IDH3A: variants seen among roughly 807,000 people sequenced by gnomAD.
IDH3A encodes isocitrate dehydrogenase [NAD] subunit alpha, mitochondrial.
A neutral mutation model predicts 43.3 loss-of-function variants in IDH3A; 23 were observed. The ratio of observed to expected loss-of-function variants is 0.53; its 90% CI spans 0.38 to 0.75. The LOEUF is 0.75. IDH3A is among the 30% of genes least tolerant of loss of function. The pLI, the probability that IDH3A is intolerant of heterozygous loss-of-function variation, is 0.00. For synonymous variants in IDH3A, 154 were observed against 163.5 expected, an observed-to-expected ratio of 0.94 and a Z score of 0.44; for missense variants, 329 against 474.4, an observed-to-expected ratio of 0.69 and a Z score of 2.85.
In IDH3A at chr15:78,161,614, C is replaced by T; in HGVS notation, c.323C>T (p.Pro108Leu). The T allele has an allele frequency of 1.9e-6, 3 of 1,614,052 alleles. No homozygotes were observed. Among genetic ancestry groups the T allele is most frequent in the South Asian group, 2.2e-5 (2 of 91,080 alleles). ...AAGACCCCAATAGCAGCCGGTCACCCATCTATGAATTTACTGCTGCGCAAA... is the reference window on the plus strand; with the variant it reads ...AAGACCCCAATAGCAGCCGGTCACCTATCTATGAATTTACTGCTGCGCAAA... ...PLKTPIAAGHPSMNLLLRKTF... is the reference protein window; with the variant it reads ...PLKTPIAAGHLSMNLLLRKTF... Residue 108 changes from proline to leucine, a missense_variant, in exon 5 of 11, where the codon CCA becomes CTA. Pro to Leu is a moderately conservative substitution (Grantham distance 98). Around this residue, in one of 3 missense-constraint regions of IDH3A, gnomAD observed 212 missense variants for 345.5 expected, o/e 0.61. Coordinates refer to ENST00000299518, the MANE Select transcript of IDH3A (RefSeq NM_005530.3). The surrounding 1 kb of genome is among the most constrained non-coding windows in gnomAD (Gnocchi z 4.8).
chr15:78,155,304 C>T (rs1230548384), intron 2 of IDH3A, 29 bp downstream of exon 2: 1 of 1,495,382 alleles, frequency 6.7e-7, no homozygotes, highest in Non-Finnish European at 9.3e-7. Flanking sequence ...TTTATTTTTT[C>T]CTTTTAGAAG....
Position 78,155,226 on chromosome 15 carries a change from T to C in IDH3A, c.41T>C (p.Leu14Pro). 6.2e-7 allele frequency: 1 copy of C among 1,612,248 alleles called. No homozygotes were observed. Residue 14 changes from leucine to proline, a missense_variant, in exon 2 of 11, where the codon CTG becomes CCG. This residue lies in a region of IDH3A where 26 missense variants were observed against 17.2 expected (regional missense o/e 1.51). Transcript: ENST00000299518. ...PAWISKVSRL[L>P]GAFHNPKQVT... ...ATATTAATATAGGTCTCTCGGCTGC[T>C]GGGGGCATTCCACAACCCAAAACAG...
Position 78,171,199 on chromosome 15 carries a change from T to C in IDH3A, c.*2194T>C, listed in dbSNP as rs2074817102. On this transcript the variant is annotated 3_prime_UTR_variant, in exon 11 of 11. Coordinates refer to ENST00000299518, the MANE Select transcript of IDH3A (RefSeq NM_005530.3). ...CGTTCTGGAAGGAGAGCTGATCTCA[T>C]TTGTCACCTGAACAAAAAGCAATAC... 1 of 360,286 alleles carries C rather than the reference T, an allele frequency of 2.8e-6. No homozygotes were observed. The highest frequency in any genetic ancestry group is 5.1e-6 in the Non-Finnish European group (1 of 194,574). 22.3% of individuals were successfully genotyped at this position (360,286 alleles called of 1,614,324 possible).
chr15:78,153,542 C>T (rs1322579856), intron 1 of IDH3A, among the ~76,000 whole-genome samples: 1 of 152,112 alleles, frequency 6.6e-6, no homozygotes, highest in Non-Finnish European at 1.5e-5. Context: ...ATTTTCAATG[C>T]AGAGTCATGA....
chr15:78,152,479 G>T (rs571311208), intron 1 of IDH3A, among the ~76,000 whole-genome samples: 1 of 149,446 alleles, frequency 6.7e-6, no homozygotes, highest in East Asian at 2.0e-4. Flanking sequence ...TCCTCCCTCA[G>T]CCTCCTGAAT....
At chr15:78,153,608 G>A (rs2074597944) in intron 1 of IDH3A, among the ~76,000 whole-genome samples, 1 of 152,142 alleles carries the variant, frequency 6.6e-6, no homozygotes, top group South Asian at 2.1e-4. Flanking sequence ...CTTGGCTGTT[G>A]GTTGTTACCA....
At position 78,158,448 on chromosome 15, in the gene IDH3A, C is replaced by CACATATATATATATATATATAT. The variant is rs763962799; in HGVS notation, c.174+818_174+819insCATATATATATATATATATATA. 1.6e-3 allele frequency among the ~76,000 whole-genome samples: 46 copies of CACATATATATATATATATATAT among 28,234 alleles called. 2 individuals carry two copies. The highest frequency in any genetic ancestry group is 5.4e-3 in the East Asian group (6 of 1,110). 18.5% of individuals were successfully genotyped at this position (28,234 alleles called of 152,430 possible). A position where few individuals can be genotyped will look rare whatever the true frequency, so the allele number is the denominator to read the frequency against. Reference sequence around the variant, plus strand: ...TCATAGGTTATGCAATACATACATACATATATATATATATATTTTTTTTTT... The same window carrying CACATATATATATATATATATAT: ...TCATAGGTTATGCAATACATACATACACATATATATATATATATATATATATATATATATATATTTTTTTTTT... On this transcript the variant is annotated intron_variant, in intron 3 of 10. Transcript: ENST00000299518.
chr15:78,163,285 T>A lies in IDH3A; in HGVS notation c.612-222T>A, dbSNP rs550201055. Reference sequence around the variant, plus strand: ...AAAAATATAGTCTTCTCTGTTATGATCAAACTATTTTACATTTTTACTCTT... The same window carrying A: ...AAAAATATAGTCTTCTCTGTTATGAACAAACTATTTTACATTTTTACTCTT... On this transcript the variant is annotated intron_variant, in intron 6 of 10. Coordinates refer to ENST00000299518, the MANE Select transcript of IDH3A (RefSeq NM_005530.3). Among the ~76,000 whole-genome samples the A allele has an allele frequency of 7.2e-5, 11 of 152,334 alleles. No individual in the cohort carries two copies. In the East Asian group the frequency reaches 1.5e-3, roughly 21 times the overall value.
rs1259321063 is a variant in IDH3A, at chr15:78,157,604, A to G, written c.147A>G (p.Ala49=). ...GTATTGGCCCAGAAATTTCAGCTGC[A>G]GTTATGAAGATTTTTGATGCTGCCA... ...GDGIGPEISA[A]VMKIFDAAKA... The change falls in exon 3 of 11, where the codon GCA becomes GCG. Residue 49 remains alanine, a synonymous_variant. Coordinates refer to ENST00000299518, the MANE Select transcript of IDH3A (RefSeq NM_005530.3). 1.2e-6 allele frequency: 2 copies of G among 1,612,936 alleles called. No homozygotes were observed. The highest frequency in any genetic ancestry group is 3.3e-5 in the Admixed American group (2 of 59,834).
chr15:78,160,787 T>C (rs887046473), intron 4 of IDH3A, among the ~76,000 whole-genome samples: 1 of 151,420 alleles, frequency 6.6e-6, no homozygotes, highest in African/African-American at 2.4e-5. Context: ...ACTTAGCCAC[T>C]GTGCCTGGCC....
At position 78,169,608 on chromosome 15, in the gene IDH3A, A is replaced by T. The variant is rs551972986; in HGVS notation, c.*603A>T. On this transcript the variant is annotated 3_prime_UTR_variant, in exon 11 of 11. Coordinates refer to ENST00000299518, the MANE Select transcript of IDH3A (RefSeq NM_005530.3). ...TGAATAAAAACTTCAGATCCAAGAA[A>T]TATATAATGAGAGATATAATTTTTG... The T allele has an allele frequency of 2.0e-5, 3 of 152,380 alleles. 1 individual carries two copies. In the South Asian group the frequency reaches 6.2e-4, roughly 32 times the overall value. 9.4% of individuals were successfully genotyped at this position (152,380 alleles called of 1,614,324 possible).
At chr15:78,168,426 T>G (rs2074776443) in intron 10 of IDH3A, 1 of 151,662 alleles carries the variant, frequency 6.6e-6, no homozygotes, top group South Asian at 2.1e-4. Context: ...GAGGCAGAGG[T>G]TGTGGTGAGC....
chr15:78,160,313 G>T (rs570217027), intron 4 of IDH3A, 107 bp downstream of exon 4: 4 of 633,246 alleles, frequency 6.3e-6, no homozygotes, highest in Non-Finnish European at 1.1e-5. Flanking sequence ...CATCTGTGAA[G>T]GTAACGCCAT....
intron 1 of IDH3A, among the ~76,000 whole-genome samples, chr15:78,152,470 C>T (rs2074586380): frequency 6.6e-6 from 1 of 150,820 alleles, no homozygotes; most frequent in Non-Finnish European, 1.5e-5. Flanking sequence ...AAGTGATTCT[C>T]CTCCCTCAGC....
rs2074796847 is a variant in IDH3A, at chr15:78,169,811, CT to C, written c.*807del. The stretch of plus-strand genomic sequence containing the variant: ...ATGAGTTGTCACAGCCTCTGAGCCC[CT>C]GATCTGAAGCCAGAAGGGCTGAGTG... On this transcript the variant is annotated 3_prime_UTR_variant, in exon 11 of 11. Transcript: ENST00000299518. 6.6e-6 allele frequency: 1 copy of C among 152,224 alleles called. No individual in the cohort carries two copies. Among genetic ancestry groups the C allele is most frequent in the South Asian group, 2.1e-4 (1 of 4,828 alleles). The allele number at this position is 152,224 out of a possible 1,614,324, so 9.4% of individuals were successfully genotyped here.
At chr15:78,162,103 G>A in intron 5 of IDH3A, 131 bp from the exon 6 acceptor site, 1 of 858,864 alleles carries the variant, frequency 1.2e-6, no homozygotes, top group Admixed American at 2.0e-5. Flanking sequence ...TCGTAGCAGT[G>A]TGTGTGATTA....
chr15:78,157,982 A>G (rs982561095), intron 3 of IDH3A, among the ~76,000 whole-genome samples: 2 of 151,986 alleles, frequency 1.3e-5, no homozygotes, highest in African/African-American at 4.8e-5. Flanking sequence ...TGTTGTTGAT[A>G]GTTTAAACTC....
Position 78,162,278 on chromosome 15 carries a change from G to C in IDH3A, c.522G>C (p.Gly174=). Reference sequence around the variant, plus strand: ...AGAGTATCAAGCTCATCACCGAGGGGGCGAGCAAGCGCATTGCTGAGTTTG... The same window carrying C: ...AGAGTATCAAGCTCATCACCGAGGGCGCGAGCAAGCGCATTGCTGAGTTTG... ...VVQSIKLITE[G]ASKRIAEFAF... is the part of the protein sequence containing the mutation. Residue 174 remains glycine, a synonymous_variant, in exon 6 of 11, where the codon GGG becomes GGC. Transcript: ENST00000299518. 6.2e-7 allele frequency: 1 copy of C among 1,614,184 alleles called. No individual in the cohort carries two copies.
chr15:78,149,427 T>C lies in IDH3A; in HGVS notation c.24T>C (p.Ser8=), dbSNP rs11555541. 0.5 allele frequency: 778,421 copies of C among 1,547,230 alleles called. 198,719 individuals carry two copies. Among genetic ancestry groups the C allele is most frequent in the African/African-American group, 0.68 (48,392 of 70,716 alleles). Residue 8 remains serine (S), a synonymous_variant, in exon 1 of 11, where the codon TCT becomes TCC. Coordinates refer to ENST00000299518, the MANE Select transcript of IDH3A (RefSeq NM_005530.3). MAGPAWI[S]KVSRLLGAFH... Reference sequence around the variant, plus strand: ...CGATGGCTGGGCCCGCGTGGATCTCTAAGGTGAGCGCTGGCAGGCCGGCGT... The same window carrying C: ...CGATGGCTGGGCCCGCGTGGATCTCCAAGGTGAGCGCTGGCAGGCCGGCGT...
Sources: gnomAD v4.1 joint callset for allele counts (sites outside exome capture counted in the v4.1 genomes callset) on GRCh38, gnomAD v4.1.1 for gene constraint, gnomAD v4.1.1 regional missense constraint, Gnocchi (gnomAD v3.1) non-coding constraint, MANE v1.5 for transcripts, NCBI Gene and HGNC (gene_info 2026-07-23, HGNC 2026-07-21) for gene names.